Variants in SPPL2A observed in about 807,000 individuals in gnomAD.
SPPL2A encodes the protein signal peptide peptidase like 2A, also known as signal peptide peptidase-like 2A.
SPPL2A carries 51 observed loss-of-function variants against 63.8 expected under a neutral mutation model. The observed-to-expected ratio is 0.80, with a 90% CI of 0.64 to 1.01. The LOEUF is 1.01. Ranked by LOEUF, SPPL2A falls within the 50% of genes least tolerant of loss-of-function variation. SPPL2A has a pLI of 0.00. For synonymous variants in SPPL2A, 188 were observed against 205.8 expected, an observed-to-expected ratio of 0.91 and a Z score of 0.74; for missense variants, 553 against 622.7, an observed-to-expected ratio of 0.89 and a Z score of 1.19.
At chr15:50,742,701 A>G (rs1423435842) in intron 5 of SPPL2A, 2 of 151,840 alleles carry the variant, frequency 1.3e-5, no homozygotes, top group African/African-American at 2.4e-5. Context: ...ACTTCTCTCT[A>G]TCTTTATTTT....
chr15:50,761,443 C>G (rs954925363), intron 1 of SPPL2A, among the ~76,000 whole-genome samples: 1 of 151,910 alleles, frequency 6.6e-6, no homozygotes, highest in Non-Finnish European at 1.5e-5. Context: ...TGGAGAAACC[C>G]CCGTCTCTAC....
At chr15:50,734,109 G>A (rs2062751208) in intron 8 of SPPL2A, among the ~76,000 whole-genome samples, 1 of 151,994 alleles carries the variant, frequency 6.6e-6, no homozygotes, top group South Asian at 2.1e-4. Context: ...ACTAAAAACA[G>A]AATTACCATA....
chr15:50,713,396 C>G (rs1274068804), intron 14 of SPPL2A, among the ~76,000 whole-genome samples: 1 of 151,664 alleles, frequency 6.6e-6, no homozygotes, highest in African/African-American at 2.4e-5. Context: ...TTCCGAGTAG[C>G]TGGGACTACA....
chr15:50,722,069 T>G, intron 13 of SPPL2A, 55 bp downstream of exon 13: 4 of 987,300 alleles, frequency 4.1e-6, no homozygotes, highest in Non-Finnish European at 6.4e-6. Flanking sequence ...GACCTCTGTC[T>G]TTTCCTCCAG....
rs749356989 is a variant in SPPL2A, at chr15:50,736,789, T to C, written c.734-49A>G. The C allele has an allele frequency of 1.3e-4, 115 of 900,274 alleles. 1 individual carries two copies. Among genetic ancestry groups the C allele is most frequent in the African/African-American group, 3.3e-5 (2 of 60,298 alleles). 55.8% of individuals were successfully genotyped at this position (900,274 alleles called of 1,614,324 possible). On this transcript the variant is annotated intron_variant, in intron 6 of 14. Coordinates refer to ENST00000261854, the MANE Select transcript of SPPL2A (RefSeq NM_032802.4). ...TACATGAGAACAGAAGGAAAGGTGA[T>C]AAGAAAATATTTATACAAGCAATAT...
intron 1 of SPPL2A, among the ~76,000 whole-genome samples, chr15:50,759,130 C>T (rs2062987561): frequency 6.6e-6 from 1 of 152,022 alleles, no homozygotes; most frequent in Admixed American, 6.6e-5. Context: ...CCTCAAACTT[C>T]TGGCCTCAAG....
intron 5 of SPPL2A, among the ~76,000 whole-genome samples, chr15:50,743,736 T>C (rs1417295184): frequency 2.0e-5 from 3 of 152,174 alleles, no homozygotes; most frequent in Middle Eastern, 3.2e-3. Context: ...ATTTACATGG[T>C]AATGGAAGTA....
intron 9 of SPPL2A, among the ~76,000 whole-genome samples, chr15:50,731,934 A>AAAAAAAAAC (rs1555442586): frequency 2.4e-5 from 3 of 126,760 alleles, no homozygotes; most frequent in African/African-American, 8.8e-5. Flanking sequence ...TCTCAAAAAA[A>AAAAAAAAAC]AAAAAAAAAC....
At chr15:50,749,826 T>C in intron 1 of SPPL2A, 80 bp from the exon 2 acceptor site, 2 of 840,112 alleles carry the variant, frequency 2.4e-6, no homozygotes, top group Non-Finnish European at 4.1e-6. Flanking sequence ...GCTATTTATA[T>C]GCAGGGTTGA....
At chr15:50,717,978 T>G (rs12907097) in intron 14 of SPPL2A, among the ~76,000 whole-genome samples, 1 of 141,582 alleles carries the variant, frequency 7.1e-6, no homozygotes, top group South Asian at 2.3e-4. Flanking sequence ...GTTTTTTTTT[T>G]TTTTTTTTTT....
intron 5 of SPPL2A, among the ~76,000 whole-genome samples, chr15:50,742,148 G>A (rs1309388533): frequency 1.3e-5 from 2 of 152,024 alleles, no homozygotes; most frequent in Admixed American, 6.6e-5. Context: ...GGTAGCTCAC[G>A]CCTGTAATCC....
chr15:50,718,063 C>T (rs907834012), intron 14 of SPPL2A, among the ~76,000 whole-genome samples: 1 of 151,184 alleles, frequency 6.6e-6, no homozygotes, highest in African/African-American at 2.4e-5. Context: ...GCTCCGCCTC[C>T]CAGGTTCACG....
intron 5 of SPPL2A, among the ~76,000 whole-genome samples, chr15:50,745,561 T>C (rs2062851377): frequency 6.6e-6 from 1 of 151,040 alleles, no homozygotes; most frequent in African/African-American, 2.4e-5. Flanking sequence ...TTTTTTTTTT[T>C]TTTTTTAGTA....
intron 5 of SPPL2A, among the ~76,000 whole-genome samples, chr15:50,742,080 G>A (rs1379213608): frequency 6.6e-6 from 1 of 152,032 alleles, no homozygotes; most frequent in Non-Finnish European, 1.5e-5. Context: ...ATGCCATCTA[G>A]AGGTTATAAA....
chr15:50,724,141 G>A (rs988003662), intron 12 of SPPL2A, among the ~76,000 whole-genome samples: 1 of 152,138 alleles, frequency 6.6e-6, no homozygotes, highest in Non-Finnish European at 1.5e-5. Context: ...GATTCACTGA[G>A]CTAACATGTC....
intron 2 of SPPL2A, 138 bp downstream of exon 2, chr15:50,749,498 G>A: frequency 3.2e-6 from 2 of 629,490 alleles, no homozygotes; most frequent in Non-Finnish European, 5.7e-6. Flanking sequence ...GTGTTAGCCA[G>A]GATGGTCTTG....
At chr15:50,710,919 C>T (rs905524005) in intron 14 of SPPL2A, among the ~76,000 whole-genome samples, 2 of 152,148 alleles carry the variant, frequency 1.3e-5, no homozygotes, top group African/African-American at 4.8e-5. Flanking sequence ...AATTTAACTC[C>T]ACTTATTTCA....
At chr15:50,753,581 ACACT>A (rs1249861874) in intron 1 of SPPL2A, among the ~76,000 whole-genome samples, 1 of 152,176 alleles carries the variant, frequency 6.6e-6, no homozygotes, top group African/African-American at 2.4e-5. Flanking sequence ...ATAACAATAA[ACACT>A]CAGACCTCAC....
intron 8 of SPPL2A, among the ~76,000 whole-genome samples, chr15:50,735,327 C>G (rs11855370): frequency 9.0e-4 from 137 of 151,954 alleles, no homozygotes; most frequent in African/African-American, 3.2e-3. Context: ...GTAAATATAA[C>G]GTAATGTATT....
Sources: allele counts gnomAD v4.1 joint callset (sites outside exome capture counted in the v4.1 genomes callset), GRCh38; gene constraint gnomAD v4.1.1; transcripts MANE v1.5; gene names NCBI Gene and HGNC (gene_info 2026-07-23, HGNC 2026-07-21).